The following KIF16B variants were observed in gnomAD, a reference collection of about 807,000 sequenced individuals.
KIF16B encodes kinesin family member 16B, also known as kinesin-like protein KIF16B.
In KIF16B, 98 loss-of-function variants were observed where a neutral mutation model predicts 156.3. The ratio of observed to expected loss-of-function variants is 0.63; its 90% confidence interval spans 0.53 to 0.74. The LOEUF is 0.74. Among genes scored for constraint, KIF16B ranks in the 30% least tolerant of loss-of-function variants. The pLI is 0.00. For synonymous variants in KIF16B, 564 were observed against 583.7 expected (o/e 0.97, Z 0.49); for missense variants, 1,421 against 1,606.5 (o/e 0.88, Z 1.97).
At chr20:16,376,366 A>G (rs2064950831) in intron 19 of KIF16B, among the ~76,000 whole-genome samples, 1 of 152,210 alleles carries the variant, frequency 6.6e-6, no homozygotes, top group Admixed American at 6.5e-5. Flanking sequence ...AAGCACTGAG[A>G]AGGCAATGGG....
intron 12 of KIF16B, among the ~76,000 whole-genome samples, chr20:16,459,476 G>A (rs780339246): frequency 1.3e-5 from 2 of 152,114 alleles, no homozygotes; most frequent in Non-Finnish European, 2.9e-5. Flanking sequence ...CCCGGGCTGT[G>A]GAGTACAGCA....
At chr20:16,441,257 C>T (rs887893799) in intron 12 of KIF16B, among the ~76,000 whole-genome samples, 1 of 152,172 alleles carries the variant, frequency 6.6e-6, no homozygotes, top group Non-Finnish European at 1.5e-5. Context: ...GTAAAGCTGG[C>T]CCGTTCTTGT....
chr20:16,320,811 T>G (rs926973471), intron 24 of KIF16B, among the ~76,000 whole-genome samples: 99 of 152,212 alleles, frequency 6.5e-4, no homozygotes, highest in Non-Finnish European at 1.5e-5. Flanking sequence ...ATTTTATCTC[T>G]GTTAGAAGAG....
At chr20:16,447,964 A>G (rs2057238) in intron 12 of KIF16B, among the ~76,000 whole-genome samples, 39,054 of 152,048 alleles carry the variant, frequency 0.26, 5,302 homozygotes, top group African/African-American at 0.32. Context: ...TAACAAAACA[A>G]AACATGGACA....
At chr20:16,403,595 G>A (rs2065709181) in intron 17 of KIF16B, among the ~76,000 whole-genome samples, 1 of 152,212 alleles carries the variant, frequency 6.6e-6, no homozygotes, top group Non-Finnish European at 1.5e-5. Context: ...TGGAAAGCGG[G>A]GGTGGGGGCG....
chr20:16,286,173 G>A (rs1031468044), intron 25 of KIF16B, among the ~76,000 whole-genome samples: 2 of 152,176 alleles, frequency 1.3e-5, no homozygotes, highest in African/African-American at 4.8e-5. Flanking sequence ...TTTGTTGAAT[G>A]AAATAATGAA....
intron 17 of KIF16B, among the ~76,000 whole-genome samples, chr20:16,399,355 A>G (rs540332686): frequency 1.3e-5 from 2 of 152,268 alleles, no homozygotes; most frequent in African/African-American, 4.8e-5. Context: ...AAAAGATAAT[A>G]CTACCACCGT....
Position 16,272,218 on chromosome 20 carries a change from A to G in KIF16B, c.*1035T>C, listed in dbSNP as rs1317278759. The G allele has an allele frequency of 1.3e-5, 2 of 152,662 alleles. No individual in the cohort carries two copies. The highest frequency in any genetic ancestry group is 2.9e-5 in the Non-Finnish European group (2 of 68,032). The allele number at this position is 152,662 out of a possible 1,614,324, so 9.5% of individuals were successfully genotyped here. A position where few individuals can be genotyped will look rare whatever the true frequency, so the allele number is the denominator to read the frequency against. The stretch of plus-strand genomic sequence containing the variant: ...ACATATTTTGATGGAACTACTGTAC[A>G]GAATGTATACATATATAAATCTATA... On this transcript the variant is annotated 3_prime_UTR_variant, in exon 26 of 26. Coordinates refer to ENST00000354981, the MANE Select transcript of KIF16B (RefSeq NM_024704.5).
At position 16,314,966 on chromosome 20, in the gene KIF16B, C is replaced by T. The variant is rs1224120663; in HGVS notation, c.3712-2548G>A. On this transcript the variant is annotated intron_variant, in intron 24 of 25. Coordinates refer to ENST00000354981, the MANE Select transcript of KIF16B (RefSeq NM_024704.5). ...AACGTGCCTCCCGCTTCCCCCGATG[C>T]TGTGGTGCTGAAAGCTTGGCAAGCA... Among the ~76,000 whole-genome samples the T allele has an allele frequency of 2.6e-5, 4 of 152,266 alleles. No homozygotes were observed. In the East Asian group the frequency reaches 7.7e-4, roughly 29 times the overall value.
chr20:16,313,772 T>C (rs1455509165), intron 24 of KIF16B, among the ~76,000 whole-genome samples: 1 of 152,240 alleles, frequency 6.6e-6, no homozygotes, highest in Non-Finnish European at 1.5e-5. Flanking sequence ...AATAGTTTGC[T>C]CATTTTCACT....
chr20:16,361,145 A>G (rs948167894), intron 22 of KIF16B, among the ~76,000 whole-genome samples: 10 of 152,200 alleles, frequency 6.6e-5, no homozygotes, highest in Non-Finnish European at 1.3e-4. Context: ...TCCCTGTTCC[A>G]ACCATAGCAC....
chr20:16,315,400 CAG>C (rs1245293425), intron 24 of KIF16B, among the ~76,000 whole-genome samples: 2 of 152,148 alleles, frequency 1.3e-5, no homozygotes, highest in East Asian at 3.9e-4. Context: ...TGGAAAGGCT[CAG>C]AGTCATGGGG....
chr20:16,343,882 T>C (rs575856863), intron 23 of KIF16B, among the ~76,000 whole-genome samples: 1 of 152,306 alleles, frequency 6.6e-6, no homozygotes, highest in Non-Finnish European at 1.5e-5. Context: ...TCTCTACTTC[T>C]GAAAGTGTAT....
chr20:16,340,025 C>A (rs1030261625), intron 23 of KIF16B, among the ~76,000 whole-genome samples: 1 of 152,206 alleles, frequency 6.6e-6, no homozygotes, highest in African/African-American at 2.4e-5. Flanking sequence ...CCATCTCACT[C>A]AGGGTATGAG....
At chr20:16,466,015 C>T (rs180969270) in intron 12 of KIF16B, among the ~76,000 whole-genome samples, 160 of 152,286 alleles carry the variant, frequency 1.1e-3, no homozygotes, top group African/African-American at 3.5e-3. Context: ...CTAACCACCA[C>T]AGATTTTAGA....
At chr20:16,489,925 C>A (rs6044020) in intron 12 of KIF16B, among the ~76,000 whole-genome samples, 15,636 of 151,910 alleles carry the variant, frequency 0.1, 1,151 homozygotes, top group African/African-American at 0.21. Context: ...ATATTCCCTC[C>A]GAGAATAAAA....
At position 16,506,069 on chromosome 20, in the gene KIF16B, T is replaced by C. The variant is rs1256675709; in HGVS notation, c.821A>G (p.Asn274Ser). 2 of 1,614,112 alleles carry C rather than the reference T, an allele frequency of 1.2e-6. No homozygotes were observed. Among genetic ancestry groups the C allele is most frequent in the South Asian group, 2.2e-5 (2 of 91,076 alleles). ...ATGVRLKEGG[N>S]INKSLVTLGN... The stretch of plus-strand genomic sequence containing the variant: ...CAGAGTCACGAGGGACTTGTTAATA[T>C]TTCCCCCTTCCTTTAGCCTAACCCC... The change falls in exon 8 of 26, where the codon AAT (asparagine) becomes AGT (serine). Residue 274 changes from asparagine to serine, a missense_variant. Transcript: ENST00000354981.
chr20:16,421,318 TC>T (rs1355300743), intron 15 of KIF16B, among the ~76,000 whole-genome samples: 1 of 152,164 alleles, frequency 6.6e-6, no homozygotes, highest in Non-Finnish European at 1.5e-5. Flanking sequence ...GCTGTTTTTT[TC>T]CTTTAGCTTT....
chr20:16,466,525 T>C (rs986592894), intron 12 of KIF16B, among the ~76,000 whole-genome samples: 3 of 152,140 alleles, frequency 2.0e-5, no homozygotes, highest in African/African-American at 7.2e-5. Flanking sequence ...TCACGAGATC[T>C]GATGGTTTTA....
Sources: allele counts gnomAD v4.1 joint callset (sites outside exome capture counted in the v4.1 genomes callset), GRCh38; gene constraint gnomAD v4.1.1; transcripts MANE v1.5; gene names NCBI Gene and HGNC (gene_info 2026-07-23, HGNC 2026-07-21).